Variants in HEXIM2 observed in about 807,000 individuals in gnomAD.
HEXIM2 encodes HEXIM P-TEFb complex subunit 2.
For synonymous variants in HEXIM2, 159 were observed against 162.7 expected (o/e 0.98, Z 0.17); for missense variants, 413 against 390.8 (o/e 1.06, Z -0.48).
At chr17:45,160,673 G>A, upstream of HEXIM2, 1 of 352,212 alleles carries the variant, frequency 2.8e-6, no homozygotes, top group Non-Finnish European at 5.7e-6. Flanking sequence ...TCCCTTCGGT[G>A]TAAACTTTCA....
At chr17:45,162,933 C>A in intron 3 of HEXIM2, 74 bp downstream of exon 3, 2 of 1,002,754 alleles carry the variant, frequency 2.0e-6, no homozygotes, top group South Asian at 1.3e-5. Flanking sequence ...ACTTCTTGTC[C>A]CAGATGTGTT....
At chr17:45,161,517 C>G (rs975052316), upstream of HEXIM2, 2 of 161,010 alleles carry the variant, frequency 1.2e-5, no homozygotes, top group African/African-American at 2.4e-5. Flanking sequence ...CGATGGCCGC[C>G]GAGCTTCTCG....
chr17:45,165,156 G>T (rs1233441852), intron 3 of HEXIM2, among the ~76,000 whole-genome samples: 1 of 152,184 alleles, frequency 6.6e-6, no homozygotes, highest in Non-Finnish European at 1.5e-5. Context: ...GCCTGTCCCA[G>T]CTGGGGCAAC....
At chr17:45,161,054 A>G, upstream of HEXIM2, 1 of 876,672 alleles carries the variant, frequency 1.1e-6, no homozygotes, top group Non-Finnish European at 1.6e-6. Flanking sequence ...AGCCTCTGGA[A>G]TCTGGCGTCG....
Position 45,161,932 on chromosome 17 carries a change from A to G in HEXIM2, c.-292A>G. 6.1e-6 allele frequency: 6 copies of G among 985,618 alleles called. No individual in the cohort carries two copies. The highest frequency in any genetic ancestry group is 7.2e-6 in the Non-Finnish European group (6 of 830,062). 61.1% of individuals were successfully genotyped at this position (985,618 alleles called of 1,614,324 possible). ...GCTTGACCAGAGCTGCTGCAACTGC[A>G]GCAAGAGGTAGGGCTCAGGCGTTGG... On this transcript the variant is annotated 5_prime_UTR_variant, in exon 1 of 4. Coordinates refer to ENST00000589230, the MANE Select transcript of HEXIM2 (RefSeq NM_001303441.2).
At chr17:45,161,771 A>G, upstream of HEXIM2, 1 of 944,940 alleles carries the variant, frequency 1.1e-6, no homozygotes, top group Non-Finnish European at 1.3e-6. Context: ...GCAAGGGTAG[A>G]TGGGTTTTGG....
intron 3 of HEXIM2, among the ~76,000 whole-genome samples, chr17:45,167,106 A>C (rs1437772277): frequency 6.6e-6 from 1 of 150,960 alleles, no homozygotes; most frequent in Admixed American, 6.6e-5. Flanking sequence ...TGGGCAGATT[A>C]CTTGAGGTCA....
At chr17:45,164,442 G>A (rs1040079886) in intron 3 of HEXIM2, among the ~76,000 whole-genome samples, 5 of 150,546 alleles carry the variant, frequency 3.3e-5, no homozygotes, top group South Asian at 2.1e-4. Context: ...GCAACAGAGC[G>A]AGACTCCGTC....
chr17:45,162,518 G>A lies in HEXIM2; in HGVS notation c.-162G>A, dbSNP rs1182124781. The A allele has an allele frequency of 2.3e-6, 3 of 1,291,228 alleles. No individual in the cohort carries two copies. The highest frequency in any genetic ancestry group is 3.0e-6 in the Non-Finnish European group (3 of 1,009,368). 80.0% of individuals were successfully genotyped at this position (1,291,228 alleles called of 1,614,324 possible). ...CAGTACAGGACATGAGTCCTGGTGA[G>A]GGACCCGAGGAGCAGGACAGAGAAG... On this transcript the variant is annotated 5_prime_UTR_variant, in exon 2 of 4. Transcript: ENST00000589230.
chr17:45,160,321 C>T (rs943475548), upstream of HEXIM2, among the ~76,000 whole-genome samples: 1 of 152,038 alleles, frequency 6.6e-6, no homozygotes, highest in East Asian at 1.9e-4. Context: ...CAAAAGTGAT[C>T]CTTCAATTAC....
Sources: allele counts gnomAD v4.1 joint callset (sites outside exome capture counted in the v4.1 genomes callset), GRCh38; gene constraint gnomAD v4.1.1; transcripts MANE v1.5; gene names NCBI Gene and HGNC (gene_info 2026-07-23, HGNC 2026-07-21).